Variants in ATP11A observed in about 807,000 individuals in gnomAD.
The protein encoded by ATP11A is phospholipid-transporting ATPase IH.
A neutral mutation model predicts 154.4 loss-of-function variants in ATP11A; 81 were observed. The observed-to-expected ratio is 0.52, with a 90% CI of 0.44 to 0.63. ATP11A has a LOEUF of 0.63. Among genes scored for constraint, ATP11A ranks in the 30% least tolerant of loss-of-function variants. The probability of loss-of-function intolerance (pLI) is 0.00; values close to 1 mark genes in which losing one functional copy is unlikely to be tolerated. For missense variants in ATP11A, 1,316 were observed against 1,474.3 expected (o/e 0.89, Z 1.76); for synonymous variants, 623 against 585.9 (o/e 1.06, Z -0.91).
chr13:112,874,330 G>A lies in ATP11A; in HGVS notation c.3161+654G>A, dbSNP rs184159158. On this transcript the variant is annotated intron_variant, in intron 27 of 29. Coordinates refer to ENST00000375645, the MANE Select transcript of ATP11A (RefSeq NM_015205.3). The stretch of plus-strand genomic sequence containing the variant: ...ATGGTGGCCTCCTGGACCGCCGGCC[G>A]TGAGGATCCTGGCTCGAGGCTGTCG... 4.1e-3 allele frequency among the ~76,000 whole-genome samples: 632 copies of A among 152,358 alleles called. 2 individuals carry two copies. Among genetic ancestry groups the A allele is most frequent in the African/African-American group, 0.014 (594 of 41,582 alleles).
At chr13:112,759,776 A>C (rs9604426) in intron 1 of ATP11A, among the ~76,000 whole-genome samples, 364 of 152,342 alleles carry the variant, frequency 2.4e-3, no homozygotes, top group African/African-American at 8.4e-3. Flanking sequence ...AATGAAGTCA[A>C]TTCCGAAATG....
rs1169396005 is a variant in ATP11A, at chr13:112,878,483, TG to T, written c.*9+183del. On this transcript the variant is annotated intron_variant, in intron 29 of 29. Transcript: ENST00000375645. The stretch of plus-strand genomic sequence containing the variant: ...CACCTTCTCATGCACAGACTGATCA[TG>T]GGCTGTGCTTTCCATCAGTCACAGT... 8 of 632,074 alleles carry T rather than the reference TG, an allele frequency of 1.3e-5. No homozygotes were observed. In the Admixed American group the frequency reaches 2.1e-4, roughly 17 times the overall value. 39.2% of individuals were successfully genotyped at this position (632,074 alleles called of 1,614,324 possible). A position where few individuals can be genotyped will look rare whatever the true frequency, so the allele number is the denominator to read the frequency against.
intron 25 of ATP11A, among the ~76,000 whole-genome samples, chr13:112,863,411 A>C (rs573579655): frequency 3.4e-5 from 5 of 147,848 alleles, no homozygotes; most frequent in African/African-American, 1.3e-4. Flanking sequence ...CCACCTGCGC[A>C]GTAATTCAGT....
Position 112,856,093 on chromosome 13 carries a change from C to A in ATP11A, c.2418+8C>A. ...CCCTTGCAGAAGGCTCAGGTGCTGC[C>A]CGCCCGTCCTCGATAGCTGGTGGTC... is the stretch of plus-strand genomic sequence containing the variant. On this transcript the variant is annotated splice_region_variant and intron_variant, in intron 20 of 29. Transcript: ENST00000375645. 1.2e-6 allele frequency: 2 copies of A among 1,607,980 alleles called. No individual in the cohort carries two copies. The highest frequency in any genetic ancestry group is 1.7e-6 in the Non-Finnish European group (2 of 1,177,160).
chr13:112,751,673 CAAAACAAAAA>C (rs776378883), intron 1 of ATP11A, among the ~76,000 whole-genome samples: 10 of 148,496 alleles, frequency 6.7e-5, no homozygotes, highest in Non-Finnish European at 1.3e-4. Context: ...CAAAACAAAA[CAAAACAAAAA>C]AAAAAACAGA....
Position 112,885,509 on chromosome 13 carries a change from AAC to A in ATP11A, c.*3646_*3647del, listed in dbSNP as rs1208945311. 1 of 151,962 alleles carries A rather than the reference AAC, an allele frequency of 6.6e-6. No individual in the cohort carries two copies. Among genetic ancestry groups the A allele is most frequent in the Admixed American group, 6.6e-5 (1 of 15,248 alleles). 9.4% of individuals were successfully genotyped at this position (151,962 alleles called of 1,614,324 possible). Reference sequence around the variant, plus strand: ...CACAGATGCACATGGACACACCCCAAACACGCACAGGCTCCTACACACATGCA... The same window carrying A: ...CACAGATGCACATGGACACACCCCAAACGCACAGGCTCCTACACACATGCA... On this transcript the variant is annotated 3_prime_UTR_variant, in exon 30 of 30. Coordinates refer to ENST00000375645, the MANE Select transcript of ATP11A (RefSeq NM_015205.3).
intron 27 of ATP11A, 83 bp downstream of exon 27, chr13:112,873,759 C>T (rs987289440): frequency 2.0e-5 from 28 of 1,367,694 alleles, no homozygotes; most frequent in African/African-American, 2.9e-5. Flanking sequence ...ACACATTTTC[C>T]GTGCGGCCCT....
rs1434381244 is a variant in ATP11A at position 112,858,062 on chromosome 13, T to G, written c.2522-83T>G. The G allele has an allele frequency of 2.5e-6, 4 of 1,581,444 alleles. No individual in the cohort carries two copies. In the African/African-American group the frequency reaches 5.4e-5, roughly 21 times the overall value. ...TGACCGGGAAGGCTCATGATGATGGTTTCATCCGTTCTTCTCCCCGTCCCT... is the reference window on the plus strand; with the variant it reads ...TGACCGGGAAGGCTCATGATGATGGGTTCATCCGTTCTTCTCCCCGTCCCT... On this transcript the variant is annotated intron_variant, in intron 21 of 29. Transcript: ENST00000375645.
At chr13:112,783,807 C>G (rs975029419) in intron 1 of ATP11A, among the ~76,000 whole-genome samples, 1 of 152,224 alleles carries the variant, frequency 6.6e-6, no homozygotes, top group Non-Finnish European at 1.5e-5. Context: ...GGTTTTAGTG[C>G]TGACATCAAA....
chr13:112,810,088 G>A (rs990392598), intron 4 of ATP11A, among the ~76,000 whole-genome samples: 4 of 151,606 alleles, frequency 2.6e-5, no homozygotes, highest in African/African-American at 4.9e-5. Context: ...AGAGTGAGCC[G>A]GCGTTTCACC....
intron 8 of ATP11A, 59 bp from the exon 9 acceptor site, chr13:112,823,286 C>G (rs1459097445): frequency 2.9e-6 from 4 of 1,380,566 alleles, no homozygotes; most frequent in African/African-American, 2.9e-5. Context: ...GCCTCTTGCC[C>G]CCCGCCCTGC....
intron 29 of ATP11A, among the ~76,000 whole-genome samples, chr13:112,879,561 C>T (rs547776839): frequency 5.3e-5 from 8 of 152,346 alleles, no homozygotes; most frequent in African/African-American, 1.9e-4. Flanking sequence ...TGAGCATGTA[C>T]GGAAGCTGAG....
Position 112,875,748 on chromosome 13 carries a change from C to A in ATP11A, c.3162-28C>A, listed in dbSNP as rs1359509047. 6.2e-7 allele frequency: 1 copy of A among 1,607,228 alleles called. No individual in the cohort carries two copies. Among genetic ancestry groups the A allele is most frequent in the African/African-American group, 1.3e-5 (1 of 74,870 alleles). On this transcript the variant is annotated intron_variant, in intron 27 of 29. Transcript: ENST00000375645. The surrounding 1 kb of genome is among the most constrained non-coding windows in gnomAD (Gnocchi z 4.1). ...CCAGCCCCAGGGAGTACATGCCTCA[C>A]CAGCGGCTTCTCTTCCCTGCCCCTC...
intron 1 of ATP11A, among the ~76,000 whole-genome samples, chr13:112,784,603 A>C (rs540425475): frequency 6.2e-4 from 94 of 151,154 alleles, no homozygotes; most frequent in Middle Eastern, 3.4e-3. Flanking sequence ...GGTCACTGCA[A>C]GCTCCACCTC....
chr13:112,835,972 C>T (rs966348650), intron 15 of ATP11A, among the ~76,000 whole-genome samples: 1 of 152,220 alleles, frequency 6.6e-6, no homozygotes, highest in African/African-American at 2.4e-5. Context: ...GACTCTGCCC[C>T]ACTGGGTACA....
chr13:112,777,486 C>T (rs1437847097), intron 1 of ATP11A, among the ~76,000 whole-genome samples: 8 of 152,162 alleles, frequency 5.3e-5, no homozygotes, highest in African/African-American at 1.9e-4. Context: ...ATGGCTTGAA[C>T]CCGGGAGGCG....
intron 2 of ATP11A, among the ~76,000 whole-genome samples, chr13:112,799,772 A>G (rs1257528628): frequency 6.6e-6 from 1 of 152,258 alleles, no homozygotes; most frequent in African/African-American, 2.4e-5. Flanking sequence ...ATTTGCCATG[A>G]CAGATCACAT....
rs1594183551 is a variant in ATP11A, at chr13:112,854,321, G to A, written c.2034G>A (p.Lys678=). The A allele has an allele frequency of 3.1e-6, 5 of 1,614,180 alleles. No individual in the cohort carries two copies. Among genetic ancestry groups the A allele is most frequent in the African/African-American group, 1.3e-5 (1 of 75,058 alleles). ...KAADTIEALQ[K]AGIKVWVLTG... is the part of the protein sequence containing the mutation. ...CAGACACCATCGAGGCCCTGCAGAA[G>A]GCCGGGATCAAAGTCTGGGTTCTCA... The change falls in exon 19 of 30, where the codon AAG becomes AAA. Residue 678 remains lysine, a synonymous_variant. Coordinates refer to ENST00000375645, the MANE Select transcript of ATP11A (RefSeq NM_015205.3).
Position 112,826,906 on chromosome 13 carries a change from A to G in ATP11A, c.1221+15A>G, listed in dbSNP as rs2078948508. On this transcript the variant is annotated intron_variant, in intron 12 of 29. Coordinates refer to ENST00000375645, the MANE Select transcript of ATP11A (RefSeq NM_015205.3). ...AGCTGGGACAGGTTGGTGTCTCCTG[A>G]GTCATCTGCTGTGATTTATTAACAT... 8 of 1,613,944 alleles carry G rather than the reference A, an allele frequency of 5.0e-6. No homozygotes were observed. In the East Asian group the frequency reaches 1.8e-4, roughly 36 times the overall value.
Sources: gnomAD v4.1 joint callset for allele counts (sites outside exome capture counted in the v4.1 genomes callset) on GRCh38, gnomAD v4.1.1 for gene constraint, Gnocchi (gnomAD v3.1) non-coding constraint, MANE v1.5 for transcripts, NCBI Gene and HGNC (gene_info 2026-07-23, HGNC 2026-07-21) for gene names.